Variants in UNC79 observed in about 807,000 individuals in gnomAD.
UNC79 encodes protein unc-79 homolog.
Under a neutral mutation model 283.1 loss-of-function variants are expected in UNC79, and 37 were observed. The observed-to-expected ratio is 0.13, with a 90% confidence interval of 0.10 to 0.17. UNC79 has a LOEUF of 0.17. Ranked by LOEUF, UNC79 falls within the 10% of genes least tolerant of loss-of-function variation. The pLI, the probability that UNC79 is intolerant of heterozygous loss-of-function variation, is 1.00. For synonymous variants in UNC79, 1,107 were observed against 1,200.2 expected, an observed-to-expected ratio of 0.92 and a Z score of 1.61; for missense variants, 2,272 against 3,211.1, an observed-to-expected ratio of 0.71 and a Z score of 7.07.
intron 41 of UNC79, among the ~76,000 whole-genome samples, 192 bp from the exon 45 acceptor site, chr14:93,682,425 G>C (rs2073920798): frequency 6.6e-5 from 10 of 152,112 alleles, no homozygotes; most frequent in Admixed American, 6.5e-4. Flanking sequence ...AAGACTCTGT[G>C]TGTTAATTTT....
chr14:93,550,533 A>AGGAAAAG (rs3060650), intron 14 of UNC79, among the ~76,000 whole-genome samples: 1 of 122,574 alleles, frequency 8.2e-6, no homozygotes, highest in Non-Finnish European at 1.6e-5. Flanking sequence ...AAAAAAAAAA[A>AGGAAAAG]AAAAAAAAGA....
At chr14:93,510,238 G>A (rs141256403) in intron 7 of UNC79, among the ~76,000 whole-genome samples, 54 of 152,334 alleles carry the variant, frequency 3.5e-4, no homozygotes, top group Non-Finnish European at 6.3e-4. Flanking sequence ...GGGGCCTGCC[G>A]TGTGAGGTGG....
intron 1 of UNC79, among the ~76,000 whole-genome samples, chr14:93,435,072 C>T (rs916130074): frequency 6.6e-6 from 1 of 152,110 alleles, no homozygotes; most frequent in South Asian, 2.1e-4. Context: ...TTATTTTTTG[C>T]ACATTATATG....
chr14:93,357,487 G>C (rs931291867), intron 1 of UNC79, among the ~76,000 whole-genome samples: 1 of 151,584 alleles, frequency 6.6e-6, no homozygotes, highest in Non-Finnish European at 1.5e-5. Flanking sequence ...GCAGAAAAAC[G>C]TGAAAACACT....
exon 26 of UNC79, chr14:93,603,395 C>G (rs2065654137): frequency 6.2e-7 from 1 of 1,614,026 alleles, no homozygotes; most frequent in African/African-American, 1.3e-5. Flanking sequence ...CTCTCCCTCC[C>G]TGAGACCCTG....
At chr14:93,390,412 A>T (rs1406624647) in intron 1 of UNC79, among the ~76,000 whole-genome samples, 1 of 152,202 alleles carries the variant, frequency 6.6e-6, no homozygotes, top group Non-Finnish European at 1.5e-5. Flanking sequence ...TGGAAAAAGG[A>T]CAAGGATGCC....
At chr14:93,377,083 A>G (rs938997686) in intron 1 of UNC79, among the ~76,000 whole-genome samples, 4 of 141,166 alleles carry the variant, frequency 2.8e-5, no homozygotes, top group African/African-American at 1.1e-4. Context: ...AAGTGCAATG[A>G]GAATAGTTGT....
intron 4 of UNC79, among the ~76,000 whole-genome samples, chr14:93,486,087 A>G (rs1353485776): frequency 6.6e-6 from 1 of 152,186 alleles, no homozygotes; most frequent in Non-Finnish European, 1.5e-5. Context: ...AATAAAATAA[A>G]GCAGATTTTG....
intron 1 of UNC79, among the ~76,000 whole-genome samples, chr14:93,408,663 G>A (rs966914344): frequency 6.6e-6 from 1 of 152,140 alleles, no homozygotes; most frequent in East Asian, 1.9e-4. Flanking sequence ...CTGCATTCTA[G>A]CCTAGGCAAC....
intron 1 of UNC79, among the ~76,000 whole-genome samples, chr14:93,387,659 C>T (rs984190376): frequency 6.6e-6 from 1 of 152,224 alleles, no homozygotes; most frequent in Admixed American, 6.5e-5. Flanking sequence ...TGAACTAACA[C>T]ATGGTCCTTC....
chr14:93,657,717 A>T (rs540282039), intron 38 of UNC79, among the ~76,000 whole-genome samples: 1 of 152,200 alleles, frequency 6.6e-6, no homozygotes, highest in Admixed American at 6.5e-5. Context: ...TGGGCACAGA[A>T]GAGTGGCAAG....
At chr14:93,703,188 G>A (rs1009161333) in intron 47 of UNC79, among the ~76,000 whole-genome samples, 3 of 152,152 alleles carry the variant, frequency 2.0e-5, no homozygotes, top group South Asian at 2.1e-4. Context: ...AATGAGCTTC[G>A]CCATGCCTTC....
intron 4 of UNC79, among the ~76,000 whole-genome samples, chr14:93,483,134 A>G (rs1168824041): frequency 6.6e-6 from 1 of 152,128 alleles, no homozygotes; most frequent in Admixed American, 6.5e-5. Flanking sequence ...TTTAGGTTCA[A>G]GCTCAAGTAC....
chr14:93,647,952 T>TGAGACTTATTCAC (rs1211288236), intron 35 of UNC79, among the ~76,000 whole-genome samples: 1 of 152,156 alleles, frequency 6.6e-6, no homozygotes, highest in African/African-American at 2.4e-5. Context: ...TCAGATCTCG[T>TGAGACTTATTCAC]GAGACTTATT....
In UNC79 at chr14:93,516,901, GTTT is replaced by G. The variant is rs543712588; in HGVS notation, c.899-7074_899-7072del. ...TAATTTCTTTCAGCAATATTTGCTG[GTTT>G]TTAGTGTACAGATATTATATTTTGT... On this transcript the variant is annotated intron_variant, in intron 7 of 48. Coordinates refer to ENST00000555664, the Ensembl canonical transcript of UNC79. Among the ~76,000 whole-genome samples the G allele has an allele frequency of 1.9e-3, 290 of 152,016 alleles. 2 individuals carry two copies. Among genetic ancestry groups the G allele is most frequent in the African/African-American group, 6.6e-3 (275 of 41,414 alleles).
At chr14:93,702,963 A>G (rs1351503154) in intron 47 of UNC79, among the ~76,000 whole-genome samples, 1 of 152,242 alleles carries the variant, frequency 6.6e-6, no homozygotes, top group African/African-American at 2.4e-5. Flanking sequence ...TGTTTTGCTC[A>G]TGGTGAATAG....
At chr14:93,651,804 A>G (rs576919415) in intron 35 of UNC79, among the ~76,000 whole-genome samples, 2 of 151,760 alleles carry the variant, frequency 1.3e-5, no homozygotes, top group East Asian at 3.9e-4. Context: ...CAGTGGTGCA[A>G]TCTCGGCTCA....
chr14:93,707,167 T>C (rs1478956114), downstream of UNC79: 2 of 375,964 alleles, frequency 5.3e-6, no homozygotes, highest in Non-Finnish European at 9.4e-6. Flanking sequence ...AACTAACTTC[T>C]ATTTTTTTTA....
intron 33 of UNC79, 54 bp from the exon 37 acceptor site, chr14:93,643,503 C>G: frequency 6.2e-7 from 1 of 1,612,764 alleles, no homozygotes; most frequent in Non-Finnish European, 8.5e-7. Flanking sequence ...TATATTATAT[C>G]TTGAGACCAT....
Sources: gnomAD v4.1 joint callset for allele counts (sites outside exome capture counted in the v4.1 genomes callset) on GRCh38, gnomAD v4.1.1 for gene constraint, MANE v1.5 for transcripts, NCBI Gene and HGNC (gene_info 2026-07-23, HGNC 2026-07-21) for gene names.